The following GRHL1 variants were observed in gnomAD, a reference collection of about 807,000 sequenced individuals.
The protein encoded by GRHL1 is grainyhead-like protein 1 homolog.
Under a neutral mutation model 75.7 loss-of-function variants are expected in GRHL1, and 38 were observed. That is an observed-to-expected ratio of 0.50 (90% confidence interval 0.39 to 0.66). The LOEUF is 0.66. Ranked by LOEUF, GRHL1 falls within the 30% of genes least tolerant of loss-of-function variation. The pLI is 0.00. For synonymous variants in GRHL1, 266 were observed against 279.4 expected, an observed-to-expected ratio of 0.95 and a Z score of 0.48; for missense variants, 589 against 767.5, an observed-to-expected ratio of 0.77 and a Z score of 2.75.
chr2:9,965,590 CATTGAG>C, intron 8 of GRHL1: 1 of 535,582 alleles, frequency 1.9e-6, no homozygotes, highest in Non-Finnish European at 3.3e-6. Flanking sequence ...GTGTGTGAAA[CATTGAG>C]ATTAAGTTGC....
At chr2:9,989,063 T>A (rs190124785) in intron 9 of GRHL1, among the ~76,000 whole-genome samples, 1 of 152,284 alleles carries the variant, frequency 6.6e-6, no homozygotes, top group East Asian at 1.9e-4. Flanking sequence ...TGGGGATATT[T>A]ACCTGTTTTT....
intron 1 of GRHL1, 188 bp from the exon 2 acceptor site, chr2:9,954,727 T>C (rs1326882107): frequency 2.8e-5 from 18 of 638,882 alleles, no homozygotes; most frequent in Non-Finnish European, 4.5e-5. Context: ...CTAGATACTT[T>C]ATGTCTTACT....
rs745441136 is a variant in GRHL1, at chr2:9,955,095, C to T, written c.201C>T (p.Tyr67=). The T allele has an allele frequency of 6.2e-7, 1 of 1,609,096 alleles. No homozygotes were observed. ...SAAALGLLYD[Y]YKVPRERRSS... ...CTGCGCTGGGCCTGCTCTATGACTA[C>T]TACAAGGTGGGTTTGCCTGCCTTTA... is the stretch of plus-strand genomic sequence containing the variant. Residue 67 remains tyrosine, a synonymous_variant, in exon 2 of 16, where the codon TAC becomes TAT. Coordinates refer to ENST00000324907, the MANE Select transcript of GRHL1 (RefSeq NM_198182.3).
rs1668481237 is a variant in GRHL1 at position 9,987,665 on chromosome 2, T to A, written c.1269+1383T>A. ...GTTTTCCCTGGTGTGGCTCTTTTTT[T>A]ATCTGGAGAAGAGAGGCTTACTTTT... On this transcript the variant is annotated intron_variant, in intron 9 of 15. Coordinates refer to ENST00000324907, the MANE Select transcript of GRHL1 (RefSeq NM_198182.3). This position sits in a 1 kb window ranked among gnomAD's most constrained non-coding sequence, Gnocchi z 4.2. Among the ~76,000 whole-genome samples, 1 of 152,136 alleles carries A rather than the reference T, an allele frequency of 6.6e-6. No homozygotes were observed. Among genetic ancestry groups the A allele is most frequent in the African/African-American group, 2.4e-5 (1 of 41,406 alleles).
intron 8 of GRHL1, among the ~76,000 whole-genome samples, chr2:9,985,827 C>G (rs1013648908): frequency 2.6e-5 from 4 of 152,192 alleles, no homozygotes; most frequent in Non-Finnish European, 5.9e-5. Flanking sequence ...GGAAAGCTAA[C>G]CAGCCTCTTC....
At chr2:9,965,197 T>C (rs748075797) in intron 7 of GRHL1, 90 bp from the exon 8 acceptor site, 1 of 708,702 alleles carries the variant, frequency 1.4e-6, no homozygotes. Context: ...GTGATAATGC[T>C]AAAAACTAGA....
chr2:9,993,271 GT>G, intron 12 of GRHL1, 27 bp downstream of exon 12: 1 of 1,582,874 alleles, frequency 6.3e-7, no homozygotes, highest in Non-Finnish European at 8.7e-7. Flanking sequence ...GTTTTGTTTT[GT>G]TTTAATAATG....
intron 8 of GRHL1, among the ~76,000 whole-genome samples, chr2:9,967,445 G>T (rs777662569): frequency 6.6e-6 from 1 of 152,228 alleles, no homozygotes; most frequent in Non-Finnish European, 1.5e-5. Flanking sequence ...CTGAAGGCCT[G>T]CAGCATATTT....
At position 9,990,333 on chromosome 2, in the gene GRHL1, T is replaced by G. The variant is rs937022030; in HGVS notation, c.1270-363T>G. On this transcript the variant is annotated intron_variant, in intron 9 of 15. Coordinates refer to ENST00000324907, the MANE Select transcript of GRHL1 (RefSeq NM_198182.3). This position sits in a 1 kb window ranked among gnomAD's most constrained non-coding sequence, Gnocchi z 4.2. Reference sequence around the variant, plus strand: ...GCCTGGCTAATTTTTGTATTTTTAGTAGAGGTGGGGTTTCACCATGTTGGC... The same window carrying G: ...GCCTGGCTAATTTTTGTATTTTTAGGAGAGGTGGGGTTTCACCATGTTGGC... Among the ~76,000 whole-genome samples, 1 of 151,804 alleles carries G rather than the reference T, an allele frequency of 6.6e-6. No individual in the cohort carries two copies. The highest frequency in any genetic ancestry group is 2.4e-5 in the African/African-American group (1 of 41,330).
At chr2:9,958,982 T>C in intron 3 of GRHL1, 126 bp downstream of exon 3, 53 of 1,384,300 alleles carry the variant, frequency 3.8e-5, no homozygotes, top group Non-Finnish European at 4.8e-5. Flanking sequence ...GGACTCTTAC[T>C]ATCTAAATTC....
chr2:9,958,035 T>C (rs1400017124), intron 2 of GRHL1, among the ~76,000 whole-genome samples: 1 of 152,212 alleles, frequency 6.6e-6, no homozygotes, highest in African/African-American at 2.4e-5. Context: ...TTCCTTCTGC[T>C]TTTGCATTTG....
intron 8 of GRHL1, among the ~76,000 whole-genome samples, chr2:9,974,038 GT>G (rs1667843296): frequency 6.6e-6 from 1 of 152,180 alleles, no homozygotes; most frequent in African/African-American, 2.4e-5. Context: ...TTTTCTCTAA[GT>G]TCATCTACTT....
chr2:9,972,537 A>G (rs892392804), intron 8 of GRHL1, among the ~76,000 whole-genome samples: 1 of 151,986 alleles, frequency 6.6e-6, no homozygotes. Flanking sequence ...TTTAGTAAAT[A>G]CAGGGCACTC....
At chr2:9,998,585 CAT>C (rs538985678) in intron 14 of GRHL1, among the ~76,000 whole-genome samples, 2 of 52,930 alleles carry the variant, frequency 3.8e-5, no homozygotes, top group Admixed American at 2.5e-4. Flanking sequence ...TACATATGTA[CAT>C]ATATATGTAC....
intron 8 of GRHL1, among the ~76,000 whole-genome samples, chr2:9,975,648 C>G (rs540602826): frequency 1.3e-5 from 2 of 151,694 alleles, no homozygotes; most frequent in South Asian, 4.2e-4. Context: ...GAGGCCGAGA[C>G]GGGTGTATCA....
intron 2 of GRHL1, among the ~76,000 whole-genome samples, chr2:9,958,121 C>T (rs141323101): frequency 6.4e-4 from 97 of 151,140 alleles, no homozygotes; most frequent in African/African-American, 2.2e-3. Context: ...AGCTTCTTCT[C>T]TAATGTTGTG....
At chr2:9,965,454 G>A (rs1667453370) in intron 8 of GRHL1, 73 bp downstream of exon 8, 1 of 806,958 alleles carries the variant, frequency 1.2e-6, no homozygotes. Context: ...TTTGACAACT[G>A]ATTTTTTTTT....
chr2:9,979,461 A>C (rs1246232049), intron 8 of GRHL1, among the ~76,000 whole-genome samples: 2 of 152,052 alleles, frequency 1.3e-5, no homozygotes, highest in Non-Finnish European at 2.9e-5. Flanking sequence ...GTGGTCTCAA[A>C]CTCCTGGACT....
intron 2 of GRHL1, among the ~76,000 whole-genome samples, chr2:9,957,278 A>G (rs1389336461): frequency 6.6e-6 from 1 of 152,102 alleles, no homozygotes; most frequent in African/African-American, 2.4e-5. Context: ...GACGTGAGCC[A>G]CTGTGCCTGG....
Sources: allele counts gnomAD v4.1 joint callset (sites outside exome capture counted in the v4.1 genomes callset), GRCh38; gene constraint gnomAD v4.1.1; non-coding constraint Gnocchi (gnomAD v3.1); transcripts MANE v1.5; gene names NCBI Gene and HGNC (gene_info 2026-07-23, HGNC 2026-07-21).